Variants in CCDC192 observed in about 807,000 individuals in gnomAD.
CCDC192 encodes coiled-coil domain containing 192.
chr5:127,792,673 T>C (rs1268256446), intron 3 of CCDC192, among the ~76,000 whole-genome samples: 1 of 151,448 alleles, frequency 6.6e-6, no homozygotes, highest in African/African-American at 2.4e-5. Flanking sequence ...GCTGTTGCAC[T>C]CCAGCTTGGG....
At chr5:127,897,773 G>T (rs941197765) in intron 6 of CCDC192, among the ~76,000 whole-genome samples, 11 of 152,012 alleles carry the variant, frequency 7.2e-5, no homozygotes, top group Non-Finnish European at 1.6e-4. Flanking sequence ...TTTTGAAAAA[G>T]ATCATTTGAG....
chr5:127,830,613 T>G (rs946556628), intron 5 of CCDC192, among the ~76,000 whole-genome samples: 4 of 152,158 alleles, frequency 2.6e-5, no homozygotes, highest in African/African-American at 7.2e-5. Context: ...CTTTAAAGAC[T>G]TTATGTCCAA....
At chr5:127,937,178 G>A (rs1405823787) in intron 6 of CCDC192, among the ~76,000 whole-genome samples, 2 of 152,154 alleles carry the variant, frequency 1.3e-5, no homozygotes, top group African/African-American at 4.8e-5. Context: ...ATTTTAGTAT[G>A]TCTTTAGGTT....
intron 6 of CCDC192, among the ~76,000 whole-genome samples, chr5:127,876,907 A>G (rs1384996967): frequency 2.0e-5 from 3 of 152,222 alleles, no homozygotes; most frequent in Non-Finnish European, 2.9e-5. Flanking sequence ...TTTTCTTTCA[A>G]TGAAACAACA....
At chr5:127,723,047 G>A (rs1338609567) in intron 2 of CCDC192, among the ~76,000 whole-genome samples, 1 of 152,116 alleles carries the variant, frequency 6.6e-6, no homozygotes, top group Non-Finnish European at 1.5e-5. Context: ...GCTTTGGGCA[G>A]TATGGACATT....
intron 6 of CCDC192, among the ~76,000 whole-genome samples, chr5:127,899,043 A>G (rs1231101868): frequency 6.6e-6 from 1 of 152,198 alleles, no homozygotes; most frequent in African/African-American, 2.4e-5. Flanking sequence ...AATACATTTT[A>G]TGAATGAGGA....
chr5:127,939,024 G>A (rs922823072), intron 6 of CCDC192, among the ~76,000 whole-genome samples: 3 of 151,694 alleles, frequency 2.0e-5, no homozygotes, highest in South Asian at 2.1e-4. Context: ...CAGGCTTATC[G>A]CAGAGGCAAT....
At chr5:127,810,195 A>T (rs1479880846) in intron 5 of CCDC192, among the ~76,000 whole-genome samples, 1 of 152,220 alleles carries the variant, frequency 6.6e-6, no homozygotes, top group Non-Finnish European at 1.5e-5. Context: ...TTTCTTTCTC[A>T]TTCAAATAAC....
chr5:127,740,584 TATC>T (rs1429871939), intron 2 of CCDC192, among the ~76,000 whole-genome samples: 1 of 151,986 alleles, frequency 6.6e-6, no homozygotes, highest in Non-Finnish European at 1.5e-5. Flanking sequence ...TTGAAGTTCT[TATC>T]ATTGTAATTA....
intron 2 of CCDC192, among the ~76,000 whole-genome samples, chr5:127,724,759 G>T (rs1752217487): frequency 6.6e-6 from 1 of 150,602 alleles, no homozygotes; most frequent in Non-Finnish European, 1.5e-5. Flanking sequence ...TGAGACAGCA[G>T]AATCGCTTGA....
At position 127,715,164 on chromosome 5, in the gene CCDC192, CAT is replaced by C. The variant is rs370250227; in HGVS notation, c.114+7405_114+7406del. 2.5e-3 allele frequency among the ~76,000 whole-genome samples: 378 copies of C among 152,256 alleles called. 2 individuals are homozygous for C. Among genetic ancestry groups the C allele is most frequent in the African/African-American group, 8.7e-3 (363 of 41,554 alleles). On this transcript the variant is annotated intron_variant, in intron 2 of 6. Transcript: ENST00000514853. ...TTTGTCTAATTTTGCTTTTGTTACA[CAT>C]GTTTTTGAGGTCTTATTCAAAAAAT...
chr5:127,887,281 A>G (rs942093793), intron 6 of CCDC192, among the ~76,000 whole-genome samples: 2 of 140,722 alleles, frequency 1.4e-5, no homozygotes, highest in African/African-American at 5.3e-5. Context: ...GTGAGCCGAG[A>G]TCGTGCCACT....
rs11345004 is a variant in CCDC192 at position 127,906,786 on chromosome 5, C to CA, written c.535+31133dup. On this transcript the variant is annotated intron_variant, in intron 6 of 6. Transcript: ENST00000514853. ...GGGCAACAGAGTAAGATCCTGTCTC[C>CA]AAAAAAAACCCCAACAAAAACAAAT... 3.3e-5 allele frequency among the ~76,000 whole-genome samples: 5 copies of CA among 151,836 alleles called. No individual in the cohort carries two copies. In the East Asian group the frequency reaches 9.7e-4, roughly 29 times the overall value.
At chr5:127,807,757 A>G (rs2126992953) in intron 5 of CCDC192, among the ~76,000 whole-genome samples, 1 of 152,192 alleles carries the variant, frequency 6.6e-6, no homozygotes, top group South Asian at 2.1e-4. Context: ...TCGATATTTG[A>G]GCTCAATGCT....
chr5:127,783,542 T>C (rs889042084), intron 3 of CCDC192, among the ~76,000 whole-genome samples: 4 of 152,250 alleles, frequency 2.6e-5, no homozygotes, highest in African/African-American at 9.6e-5. Context: ...TGGCCTATTA[T>C]ATGGTCTATC....
intron 3 of CCDC192, among the ~76,000 whole-genome samples, chr5:127,788,157 G>A (rs1487731980): frequency 6.7e-6 from 1 of 149,890 alleles, no homozygotes; most frequent in Non-Finnish European, 1.5e-5. Context: ...TACTTCTTCT[G>A]TAAATTCTAT....
At chr5:127,837,745 T>C (rs551914045) in intron 5 of CCDC192, among the ~76,000 whole-genome samples, 1 of 152,286 alleles carries the variant, frequency 6.6e-6, no homozygotes, top group African/African-American at 2.4e-5. Context: ...ATCCCAGCAC[T>C]TTGGGAGGTC....
intron 2 of CCDC192, among the ~76,000 whole-genome samples, chr5:127,727,802 A>T (rs1752418533): frequency 6.6e-6 from 1 of 152,138 alleles, no homozygotes; most frequent in Non-Finnish European, 1.5e-5. Flanking sequence ...ACAATAAAAC[A>T]CTATAGGGGC....
intron 5 of CCDC192, among the ~76,000 whole-genome samples, chr5:127,870,066 T>C (rs1458503879): frequency 9.9e-5 from 15 of 152,218 alleles, no homozygotes; most frequent in Admixed American, 9.8e-4. Context: ...AAAAGCTACG[T>C]CTTGCACTTG....
Sources: gnomAD v4.1 joint callset for allele counts (sites outside exome capture counted in the v4.1 genomes callset) on GRCh38, gnomAD v4.1.1 for gene constraint, MANE v1.5 for transcripts, NCBI Gene and HGNC (gene_info 2026-07-23, HGNC 2026-07-21) for gene names.